CDH13: variants seen among roughly 807,000 people sequenced by gnomAD.
CDH13 encodes the protein cadherin 13.
In CDH13, 24 loss-of-function variants were observed where a neutral mutation model predicts 63.8. That is an observed-to-expected ratio of 0.38 (90% confidence interval 0.27 to 0.53). The LOEUF (loss-of-function observed/expected upper bound fraction) is 0.53, where lower values mean the gene tolerates loss of function less well. Among genes scored for constraint, CDH13 ranks in the 20% least tolerant of loss-of-function variants. CDH13 has a pLI of 0.85. For synonymous variants in CDH13, 503 were observed against 355.3 expected (o/e 1.42, Z -4.67); for missense variants, 1,049 against 903.1 (o/e 1.16, Z -2.07).
chr16:83,219,248 C>T (rs2039626327), intron 5 of CDH13, among the ~76,000 whole-genome samples: 1 of 152,146 alleles, frequency 6.6e-6, no homozygotes, highest in Non-Finnish European at 1.5e-5. Flanking sequence ...CTAGTTTTTG[C>T]TAACTAGTAA....
At chr16:82,758,975 C>T (rs2034728060) in intron 1 of CDH13, among the ~76,000 whole-genome samples, 1 of 152,178 alleles carries the variant, frequency 6.6e-6, no homozygotes, top group Admixed American at 6.5e-5. Context: ...CCTAAGTTCA[C>T]CTAGTCAAGG....
chr16:82,853,744 C>T (rs765755019), intron 1 of CDH13, among the ~76,000 whole-genome samples: 1 of 152,170 alleles, frequency 6.6e-6, no homozygotes, highest in Non-Finnish European at 1.5e-5. Context: ...GTCTTGGTTA[C>T]CTCTCATTTC....
intron 6 of CDH13, among the ~76,000 whole-genome samples, chr16:83,456,957 G>A (rs987721164): frequency 1.3e-5 from 2 of 152,068 alleles, no homozygotes; most frequent in South Asian, 2.1e-4. Flanking sequence ...GTAAGACTCT[G>A]CCTAAAATAA....
chr16:83,502,439 C>G (rs1295182741), intron 7 of CDH13, among the ~76,000 whole-genome samples: 1 of 152,058 alleles, frequency 6.6e-6, no homozygotes, highest in Non-Finnish European at 1.5e-5. Flanking sequence ...GCAGCTCTGC[C>G]CACACCTTGA....
At chr16:83,020,566 C>G (rs762305633) in intron 2 of CDH13, among the ~76,000 whole-genome samples, 1 of 152,204 alleles carries the variant, frequency 6.6e-6, no homozygotes, top group Non-Finnish European at 1.5e-5. Flanking sequence ...TATTAGGAAA[C>G]AAAATAACAG....
chr16:83,569,958 A>G (rs1252673092), intron 7 of CDH13, among the ~76,000 whole-genome samples: 2 of 152,066 alleles, frequency 1.3e-5, no homozygotes, highest in African/African-American at 4.8e-5. Flanking sequence ...GTTGGTCTCG[A>G]ACTCCTGACC....
intron 4 of CDH13, among the ~76,000 whole-genome samples, chr16:83,209,547 G>C (rs369785712): frequency 6.6e-6 from 1 of 152,204 alleles, no homozygotes; most frequent in South Asian, 2.1e-4. Context: ...AGGTTTGTAT[G>C]ACAGACCTTA....
intron 1 of CDH13, among the ~76,000 whole-genome samples, chr16:82,680,926 C>T (rs1452387472): frequency 6.6e-6 from 1 of 152,166 alleles, no homozygotes; most frequent in Non-Finnish European, 1.5e-5. Context: ...CAGTAGCTCC[C>T]ATGAGCCAAA....
chr16:83,162,603 G>GGAA (rs1170707066), intron 4 of CDH13, among the ~76,000 whole-genome samples: 2 of 150,732 alleles, frequency 1.3e-5, no homozygotes, highest in Non-Finnish European at 3.0e-5. Flanking sequence ...AATCAGGGCA[G>GGAA]GAAGTATCTA....
rs145855734 is a variant in CDH13 at position 83,187,558 on chromosome 16, C to G, written c.484-29787C>G. On this transcript the variant is annotated intron_variant, in intron 4 of 13. Transcript: ENST00000567109. The stretch of plus-strand genomic sequence containing the variant: ...TAGGATGTAGATTGGCAGGGGAAAT[C>G]CCAGGCAGGGGTGTTTTTTGATGGG... Among the ~76,000 whole-genome samples the G allele has an allele frequency of 1.3e-3, 191 of 152,084 alleles. 2 individuals carry two copies. Among genetic ancestry groups the G allele is most frequent in the African/African-American group, 4.5e-3 (185 of 41,494 alleles).
intron 7 of CDH13, among the ~76,000 whole-genome samples, chr16:83,580,578 T>C (rs1452389786): frequency 1.3e-5 from 2 of 148,996 alleles, no homozygotes; most frequent in Non-Finnish European, 3.0e-5. Flanking sequence ...TACTGCAGCC[T>C]CAAACTCCTG....
intron 1 of CDH13, among the ~76,000 whole-genome samples, chr16:82,627,880 T>C (rs541778953): frequency 3.1e-4 from 47 of 152,240 alleles, no homozygotes; most frequent in Non-Finnish European, 5.9e-4. Context: ...GATCCCGGGC[T>C]GCCGCCTCTG....
intron 1 of CDH13, among the ~76,000 whole-genome samples, chr16:82,687,583 C>T (rs960048052): frequency 9.9e-5 from 15 of 152,122 alleles, no homozygotes; most frequent in Admixed American, 2.6e-4. Flanking sequence ...CATCAGATGT[C>T]GTGAGACTTA....
intron 1 of CDH13, among the ~76,000 whole-genome samples, chr16:82,688,199 T>A (rs1166027946): frequency 1.3e-5 from 2 of 152,158 alleles, no homozygotes; most frequent in African/African-American, 2.4e-5. Context: ...CGTCCAACAC[T>A]GGTATAGCCT....
intron 6 of CDH13, among the ~76,000 whole-genome samples, chr16:83,400,662 A>G (rs2151441578): frequency 6.6e-6 from 1 of 152,248 alleles, no homozygotes; most frequent in South Asian, 2.1e-4. Flanking sequence ...ATCCTTTATC[A>G]CAGTGGGGTT....
rs769323636 is a variant in CDH13, at chr16:83,489,439, T to A, written c.960+2784T>A. 6.4e-4 allele frequency among the ~76,000 whole-genome samples: 98 copies of A among 152,208 alleles called. 2 individuals are homozygous for A. The highest frequency in any genetic ancestry group is 1.8e-4 in the Non-Finnish European group (12 of 68,054). ...GAGGGTTTCCAGAGTTCATTGCTGA[T>A]CCAGGCAACATCAGTGCAATCCAAA... On this transcript the variant is annotated intron_variant, in intron 7 of 13. Coordinates refer to ENST00000567109, the MANE Select transcript of CDH13 (RefSeq NM_001257.5).
At chr16:83,194,941 C>G (rs1158964647) in intron 4 of CDH13, among the ~76,000 whole-genome samples, 1 of 152,122 alleles carries the variant, frequency 6.6e-6, no homozygotes, top group African/African-American at 2.4e-5. Flanking sequence ...ACCCATAACA[C>G]CATGAAATTT....
chr16:83,697,975 G>T (rs1905644203), intron 10 of CDH13, among the ~76,000 whole-genome samples: 1 of 152,168 alleles, frequency 6.6e-6, no homozygotes, highest in South Asian at 2.1e-4. Context: ...ACATAGCTAT[G>T]GTGAGTAACA....
chr16:83,212,622 C>T (rs1339637035), intron 4 of CDH13, among the ~76,000 whole-genome samples: 2 of 152,200 alleles, frequency 1.3e-5, no homozygotes, highest in Non-Finnish European at 2.9e-5. Flanking sequence ...CAGACCCAGC[C>T]TATTTTTAGC....
Sources: gnomAD v4.1 joint callset for allele counts (sites outside exome capture counted in the v4.1 genomes callset) on GRCh38, gnomAD v4.1.1 for gene constraint, MANE v1.5 for transcripts, NCBI Gene and HGNC (gene_info 2026-07-23, HGNC 2026-07-21) for gene names.